ASTN2: variants seen among roughly 807,000 people sequenced by gnomAD.
ASTN2 encodes astrotactin-2.
ASTN2 carries 54 observed loss-of-function variants against 139.8 expected under a neutral mutation model. That is an observed-to-expected ratio of 0.39 (90% confidence interval 0.31 to 0.48). The LOEUF (loss-of-function observed/expected upper bound fraction) is 0.48, where lower values mean the gene tolerates loss of function less well. Among genes scored for constraint, ASTN2 ranks in the 20% least tolerant of loss-of-function variants. ASTN2 has a pLI of 0.95. For missense variants in ASTN2, 1,565 were observed against 1,725.1 expected, an observed-to-expected ratio of 0.91 and a Z score of 1.64; for synonymous variants, 756 against 719.5, an observed-to-expected ratio of 1.05 and a Z score of -0.81.
In ASTN2 at chr9:117,414,519, G is replaced by A. The variant is rs753942416; in HGVS notation, c.420C>T (p.Thr140=). 3.7e-6 allele frequency: 6 copies of A among 1,609,158 alleles called. No individual in the cohort carries two copies. The highest frequency in any genetic ancestry group is 1.1e-5 in the South Asian group (1 of 90,966). ...RIAVQDDLDN[T]ELPFFTLEMS... ...TACCCAGGGTGAAGAAGGGCAGCTC[G>A]GTGTTGTCCAGGTCGTCCTGCACCG... Residue 140 remains threonine (T), a synonymous_variant, in exon 1 of 23, where the codon ACC becomes ACT. Coordinates refer to ENST00000313400, the MANE Select transcript of ASTN2 (RefSeq NM_001365068.1). This position sits in a 1 kb window ranked among gnomAD's most constrained non-coding sequence, Gnocchi z 4.2.
At position 117,172,472 on chromosome 9, in the gene ASTN2, G is replaced by A. The variant is rs1830817401; in HGVS notation, c.1016-30994C>T. 2.0e-5 allele frequency among the ~76,000 whole-genome samples: 3 copies of A among 152,116 alleles called. No homozygotes were observed. The South Asian group carries it at 6.2e-4, about 32-fold the overall frequency. ...AAGTCTAGTGCAATTTATATGCACT[G>A]CATATACTTTATTGAGTGTTACCTT... is the stretch of plus-strand genomic sequence containing the variant. On this transcript the variant is annotated intron_variant, in intron 3 of 22. Coordinates refer to ENST00000313400, the MANE Select transcript of ASTN2 (RefSeq NM_001365068.1).
At chr9:116,678,600 G>A (rs1090022) in intron 16 of ASTN2, among the ~76,000 whole-genome samples, 79,298 of 152,002 alleles carry the variant, frequency 0.52, 21,820 homozygotes, top group East Asian at 0.87. Flanking sequence ...GAACAAAACT[G>A]AAGGTTAAGC....
chr9:116,531,001 A>C (rs1851317665), intron 19 of ASTN2, among the ~76,000 whole-genome samples: 1 of 152,234 alleles, frequency 6.6e-6, no homozygotes, highest in South Asian at 2.1e-4. Flanking sequence ...GTTATTAAAA[A>C]ACAGAAAATT....
intron 6 of ASTN2, among the ~76,000 whole-genome samples, chr9:117,013,580 T>G (rs1418280750): frequency 2.0e-5 from 3 of 151,954 alleles, no homozygotes; most frequent in African/African-American, 7.3e-5. Context: ...TTATCTAGCA[T>G]CTGAAGCCCA....
chr9:117,032,357 A>G (rs1321990713), intron 6 of ASTN2, among the ~76,000 whole-genome samples: 1 of 152,176 alleles, frequency 6.6e-6, no homozygotes, highest in Non-Finnish European at 1.5e-5. Context: ...CAAATGAGTT[A>G]ACAAAGAAAA....
chr9:117,070,837 T>C (rs1400607621), intron 5 of ASTN2, among the ~76,000 whole-genome samples: 1 of 151,640 alleles, frequency 6.6e-6, no homozygotes, highest in Non-Finnish European at 1.5e-5. Context: ...CACGTAGCTC[T>C]CGAGCCTTGG....
At chr9:117,378,995 A>G (rs181917204) in intron 1 of ASTN2, among the ~76,000 whole-genome samples, 4 of 151,390 alleles carry the variant, frequency 2.6e-5, no homozygotes, top group Admixed American at 2.0e-4. Context: ...TCTTGCTCCT[A>G]CTCCTGCCGT....
chr9:116,508,694 G>A (rs1850222646), intron 19 of ASTN2, among the ~76,000 whole-genome samples: 2 of 152,160 alleles, frequency 1.3e-5, no homozygotes, highest in Non-Finnish European at 1.5e-5. Context: ...GAGGTGATTT[G>A]TCACAACAGT....
At chr9:116,683,389 A>C (rs944287792) in intron 16 of ASTN2, among the ~76,000 whole-genome samples, 1 of 152,224 alleles carries the variant, frequency 6.6e-6, no homozygotes, top group Non-Finnish European at 1.5e-5. Flanking sequence ...GTTATATAAA[A>C]GTGTTGTATG....
intron 19 of ASTN2, among the ~76,000 whole-genome samples, chr9:116,518,803 G>T (rs62574371): frequency 0.17 from 25,447 of 151,870 alleles, 2,390 homozygotes; most frequent in African/African-American, 0.24. Flanking sequence ...AATTTAAAGG[G>T]GTGGAAAAAG....
intron 10 of ASTN2, among the ~76,000 whole-genome samples, chr9:116,878,341 G>A (rs893247035): frequency 6.6e-6 from 1 of 152,112 alleles, no homozygotes; most frequent in Non-Finnish European, 1.5e-5. Context: ...AAGAAAATGT[G>A]GTACATATAC....
At chr9:117,370,010 C>T (rs1351579385) in intron 1 of ASTN2, among the ~76,000 whole-genome samples, 1 of 152,088 alleles carries the variant, frequency 6.6e-6, no homozygotes, top group Non-Finnish European at 1.5e-5. Context: ...GAGCGGGAAG[C>T]TACAGGTTGG....
chr9:117,414,900 G>T lies in ASTN2; in HGVS notation c.39C>A (p.Gly13=). 1 of 661,500 alleles carries T rather than the reference G, an allele frequency of 1.5e-6. No homozygotes were observed. The highest frequency in any genetic ancestry group is 2.0e-6 in the Non-Finnish European group (1 of 504,102). 41.0% of individuals were successfully genotyped at this position (661,500 alleles called of 1,614,324 possible). A position where few individuals can be genotyped will look rare whatever the true frequency, so the allele number is the denominator to read the frequency against. The part of the protein sequence containing the change: ...AAGARLSPGP[G]SGLRGRPRLC... ...GCCTCGGCCGCCCCCGGAGCCCCGA[G>T]CCGGGGCCGGGGCTGAGCCGGGCGC... The change falls in exon 1 of 23, where the codon GGC becomes GGA. Residue 13 remains glycine (G), a synonymous_variant. Coordinates refer to ENST00000313400, the MANE Select transcript of ASTN2 (RefSeq NM_001365068.1). The surrounding 1 kb of genome is among the most constrained non-coding windows in gnomAD (Gnocchi z 4.2).
intron 13 of ASTN2, among the ~76,000 whole-genome samples, chr9:116,761,183 C>G (rs1356268577): frequency 6.6e-6 from 1 of 152,220 alleles, no homozygotes; most frequent in Non-Finnish European, 1.5e-5. Context: ...TGCCCTTCCA[C>G]TCATCAAGTC....
chr9:117,353,654 A>G (rs1419950466), intron 1 of ASTN2, among the ~76,000 whole-genome samples: 2 of 151,984 alleles, frequency 1.3e-5, no homozygotes, highest in African/African-American at 4.8e-5. Context: ...ACAACCTCCA[A>G]CCTGTTTTCC....
chr9:117,003,389 G>T (rs1369935026), intron 7 of ASTN2, among the ~76,000 whole-genome samples: 1 of 152,082 alleles, frequency 6.6e-6, no homozygotes, highest in Non-Finnish European at 1.5e-5. Flanking sequence ...TGGAAACCTG[G>T]CTTTATATCC....
At chr9:117,060,311 A>G (rs1839205867) in intron 5 of ASTN2, among the ~76,000 whole-genome samples, 1 of 124,922 alleles carries the variant, frequency 8.0e-6, no homozygotes, top group South Asian at 3.0e-4. Context: ...ACTCTGTCAA[A>G]AAAGAAAAAA....
In ASTN2 at chr9:116,894,797, G is replaced by A. The variant is rs114558220; in HGVS notation, c.1890-31064C>T. Among the ~76,000 whole-genome samples, 1,341 of 152,260 alleles carry A rather than the reference G, an allele frequency of 8.8e-3. 7 individuals are homozygous for A. Among genetic ancestry groups the A allele is most frequent in the Non-Finnish European group, 0.011 (736 of 68,026 alleles). On this transcript the variant is annotated intron_variant, in intron 10 of 22. Coordinates refer to ENST00000313400, the MANE Select transcript of ASTN2 (RefSeq NM_001365068.1). The stretch of plus-strand genomic sequence containing the variant: ...AGTTCAGAGAGGGTAGGTTATTTGC[G>A]CAATGTCTCATTTAATCAGGGGAGG...
chr9:116,463,909 T>TG (rs1491471955), intron 20 of ASTN2, among the ~76,000 whole-genome samples: 1 of 72,934 alleles, frequency 1.4e-5, no homozygotes, highest in African/African-American at 4.4e-5. Context: ...GAGTTTTGTG[T>TG]TTTTTTTTTT....
Sources: gnomAD v4.1 joint callset for allele counts (sites outside exome capture counted in the v4.1 genomes callset) on GRCh38, gnomAD v4.1.1 for gene constraint, Gnocchi (gnomAD v3.1) non-coding constraint, MANE v1.5 for transcripts, NCBI Gene and HGNC (gene_info 2026-07-23, HGNC 2026-07-21) for gene names.